Variants in SPEF2 observed in about 807,000 individuals in gnomAD.
SPEF2 encodes sperm flagella and cilia-associated protein 2.
A neutral mutation model predicts 224.6 loss-of-function variants in SPEF2; 187 were observed. That is an observed-to-expected ratio of 0.83 (90% CI 0.74 to 0.94). SPEF2 has a LOEUF of 0.94. SPEF2 is among the 40% of genes least tolerant of loss of function. The pLI, the probability that SPEF2 is intolerant of heterozygous loss-of-function variation, is 0.00. For missense variants in SPEF2, 2,170 were observed against 2,135.6 expected, an observed-to-expected ratio of 1.02 and a Z score of -0.32; for synonymous variants, 715 against 707.3, an observed-to-expected ratio of 1.01 and a Z score of -0.17.
At chr5:35,702,167 G>T (rs1353287754) in intron 16 of SPEF2, 1 of 456,052 alleles carries the variant, frequency 2.2e-6, no homozygotes, top group Admixed American at 2.3e-5. Flanking sequence ...GCAGGATCCT[G>T]GGCTGAGTGG....
In SPEF2 at chr5:35,618,065, C is replaced by A. The variant is rs772309367; in HGVS notation, c.58+10C>A. Reference sequence around the variant, plus strand: ...GTGTCCCGGACCGTGAGTGAGTGACCACGGCCAGGGGCGAGCGTCTGAGGG... The same window carrying A: ...GTGTCCCGGACCGTGAGTGAGTGACAACGGCCAGGGGCGAGCGTCTGAGGG... On this transcript the variant is annotated intron_variant, in intron 1 of 36. Coordinates refer to ENST00000356031, the MANE Select transcript of SPEF2 (RefSeq NM_024867.4). 6.3e-7 allele frequency: 1 copy of A among 1,578,784 alleles called. No individual in the cohort carries two copies. The highest frequency in any genetic ancestry group is 2.3e-5 in the East Asian group (1 of 42,920).
chr5:35,624,854 C>T (rs945766514), intron 1 of SPEF2, among the ~76,000 whole-genome samples: 5 of 152,164 alleles, frequency 3.3e-5, no homozygotes, highest in Non-Finnish European at 7.4e-5. Context: ...CTAGGCTGGT[C>T]TCGAACTCCT....
rs1021176884 is a variant in SPEF2, at chr5:35,784,699, C to A, written c.4447+5353C>A. On this transcript the variant is annotated intron_variant, in intron 30 of 36. Coordinates refer to ENST00000356031, the MANE Select transcript of SPEF2 (RefSeq NM_024867.4). ...GAGGTTGCATGACATATTGAGGGAA[C>A]TGTGAACAAACAAGAGGCAGGAGGT... Among the ~76,000 whole-genome samples, 8 of 152,230 alleles carry A rather than the reference C, an allele frequency of 5.3e-5. No individual in the cohort carries two copies. The South Asian group carries it at 1.7e-3, about 32-fold the overall frequency.
chr5:35,715,827 T>TTC lies in SPEF2; in HGVS notation c.2914+2942_2914+2943insCT, dbSNP rs1554040275. Reference sequence around the variant, plus strand: ...GGGGGATATAATTTCTTTTTTTTTTTTTTTTTGAGACAGAGTCTTGCTCTG... The same window carrying TTC: ...GGGGGATATAATTTCTTTTTTTTTTTTCTTTTTTGAGACAGAGTCTTGCTCTG... On this transcript the variant is annotated intron_variant, in intron 20 of 36. Coordinates refer to ENST00000356031, the MANE Select transcript of SPEF2 (RefSeq NM_024867.4). Among the ~76,000 whole-genome samples the TTC allele has an allele frequency of 5.6e-3, 818 of 147,230 alleles. 14 individuals carry two copies. The East Asian group carries it at 0.062, about 11-fold the overall frequency.
chr5:35,671,517 T>A, intron 10 of SPEF2: 2 of 983,348 alleles, frequency 2.0e-6, no homozygotes, highest in South Asian at 9.4e-5. Context: ...TTTGACAGTA[T>A]CAACCTGTGT....
At chr5:35,749,487 T>A (rs934210010) in intron 23 of SPEF2, among the ~76,000 whole-genome samples, 1 of 152,076 alleles carries the variant, frequency 6.6e-6, no homozygotes, top group African/African-American at 2.4e-5. Flanking sequence ...CTAGAACTGA[T>A]TAAAAAATTC....
chr5:35,709,289 G>A (rs748833763), intron 19 of SPEF2, 168 bp downstream of exon 19: 70 of 1,432,706 alleles, frequency 4.9e-5, no homozygotes, highest in Middle Eastern at 5.2e-4. Context: ...AGCTAAAAGC[G>A]TAGTTGTTAC....
chr5:35,806,638 A>G (rs1758098210), intron 34 of SPEF2, 69 bp from the exon 35 acceptor site: 3 of 1,545,510 alleles, frequency 1.9e-6, no homozygotes, highest in Non-Finnish European at 2.6e-6. Context: ...AAATTGGTAT[A>G]TTCTAAAAGT....
Position 35,666,752 on chromosome 5 carries a change from G to A in SPEF2, c.1168-320G>A, listed in dbSNP as rs982673050. Among the ~76,000 whole-genome samples the A allele has an allele frequency of 2.6e-5, 4 of 152,144 alleles. No individual in the cohort carries two copies. The South Asian group carries it at 6.2e-4, about 24-fold the overall frequency. On this transcript the variant is annotated intron_variant, in intron 8 of 36. Transcript: ENST00000356031. ...GCCTGTTTCTCTCCGATCCCTATTT[G>A]CAACCGGTGAACTCAGGACTTCTTT...
chr5:35,722,413 C>T (rs966039363), intron 20 of SPEF2, among the ~76,000 whole-genome samples: 8 of 149,902 alleles, frequency 5.3e-5, no homozygotes, highest in Admixed American at 3.3e-4. Flanking sequence ...CCCCCACCCT[C>T]AGAAGTCCAA....
intron 8 of SPEF2, among the ~76,000 whole-genome samples, chr5:35,661,299 T>A (rs1749704406): frequency 9.1e-6 from 1 of 109,656 alleles, no homozygotes; most frequent in African/African-American, 3.5e-5. Flanking sequence ...TATATATATA[T>A]TATACACACA....
At chr5:35,805,789 C>T (rs1473541859) in intron 34 of SPEF2, among the ~76,000 whole-genome samples, 2 of 152,120 alleles carry the variant, frequency 1.3e-5, no homozygotes, top group African/African-American at 4.8e-5. Flanking sequence ...TATAAGCAAA[C>T]TGTCCTACTG....
intron 19 of SPEF2, 93 bp from the exon 20 acceptor site, chr5:35,712,719 C>A: frequency 8.1e-7 from 1 of 1,235,340 alleles, no homozygotes; most frequent in Non-Finnish European, 1.2e-6. Flanking sequence ...TAACTGTTTA[C>A]CTATGGGAAA....
Position 35,646,816 on chromosome 5 carries a change from T to C in SPEF2, c.726+9T>C, listed in dbSNP as rs1232416373. On this transcript the variant is annotated intron_variant, in intron 5 of 36. Transcript: ENST00000356031. ...AGAAAAAAGAGGCAGAAGTAAGTGA[T>C]AATCCTTTAATATTGTGCTGTGTTT... The C allele has an allele frequency of 1.9e-6, 3 of 1,613,202 alleles. No homozygotes were observed. Among genetic ancestry groups the C allele is most frequent in the Non-Finnish European group, 2.5e-6 (3 of 1,179,662 alleles).
chr5:35,699,296 C>CCAAAAACACAATT lies in SPEF2; in HGVS notation c.2142-1199_2142-1187dup, dbSNP rs1303681952. The CCAAAAACACAATT allele has an allele frequency of 2.0e-5, 3 of 152,064 alleles. No individual in the cohort carries two copies. The East Asian group carries it at 5.8e-4, about 29-fold the overall frequency. 9.4% of individuals were successfully genotyped at this position (152,064 alleles called of 1,614,324 possible). The stretch of plus-strand genomic sequence containing the variant: ...GAAATTATACCTTTTAATCCAAAGG[C>CCAAAAACACAATT]CAAAAACACAATTTTGCATAATTTA... On this transcript the variant is annotated intron_variant, in intron 15 of 36. Coordinates refer to ENST00000356031, the MANE Select transcript of SPEF2 (RefSeq NM_024867.4).
chr5:35,678,904 AT>A (rs902878830), intron 10 of SPEF2, among the ~76,000 whole-genome samples: 2 of 152,198 alleles, frequency 1.3e-5, no homozygotes, highest in Admixed American at 6.5e-5. Context: ...GGGAAGATAA[AT>A]AACCACACTT....
At chr5:35,795,478 A>G (rs1360022179) in intron 32 of SPEF2, among the ~76,000 whole-genome samples, 1 of 152,198 alleles carries the variant, frequency 6.6e-6, no homozygotes, top group East Asian at 1.9e-4. Context: ...GCACTAATAC[A>G]TTATGAACAT....
chr5:35,770,321 C>T (rs552855551), intron 26 of SPEF2, among the ~76,000 whole-genome samples: 1 of 152,118 alleles, frequency 6.6e-6, no homozygotes, highest in South Asian at 2.1e-4. Context: ...AGCTAATTAC[C>T]ATATCTGTTA....
At chr5:35,790,552 GT>G (rs1755806691) in intron 30 of SPEF2, 2 of 397,516 alleles carry the variant, frequency 5.0e-6, no homozygotes, top group East Asian at 7.3e-5. Context: ...GCCCAAGATT[GT>G]TTCTTCTATA....
Sources: gnomAD v4.1 joint callset for allele counts (sites outside exome capture counted in the v4.1 genomes callset) on GRCh38, gnomAD v4.1.1 for gene constraint, MANE v1.5 for transcripts, NCBI Gene and HGNC (gene_info 2026-07-23, HGNC 2026-07-21) for gene names.